The following OTOGL variants were observed in gnomAD, a reference collection of about 807,000 sequenced individuals.
The protein encoded by OTOGL is otogelin-like protein.
Under a neutral mutation model 318.5 loss-of-function variants are expected in OTOGL, and 285 were observed. The ratio of observed to expected loss-of-function variants is 0.89; its 90% CI spans 0.81 to 0.99. OTOGL has a LOEUF of 0.99. OTOGL is among the 50% of genes least tolerant of loss of function. The pLI is 0.00. For synonymous variants in OTOGL, 987 were observed against 936.5 expected, an observed-to-expected ratio of 1.05 and a Z score of -0.99; for missense variants, 2,899 against 2,845.6, an observed-to-expected ratio of 1.02 and a Z score of -0.43.
At chr12:80,146,716 A>C (rs1407095396) in intron 1 of OTOGL, among the ~76,000 whole-genome samples, 8 of 151,916 alleles carry the variant, frequency 5.3e-5, no homozygotes, top group Admixed American at 1.3e-4. Flanking sequence ...TAAGCTATTG[A>C]TTATTGCCAC....
At chr12:80,132,808 C>T (rs373018911) in intron 1 of OTOGL, 6 of 152,212 alleles carry the variant, frequency 3.9e-5, no homozygotes, top group Middle Eastern at 3.4e-3. Flanking sequence ...TCTAAATGAA[C>T]GAAGATTCTC....
At position 80,271,652 on chromosome 12, in the gene OTOGL, C is replaced by T. The variant is rs750090356; in HGVS notation, c.2523C>T (p.His841=). 6.8e-6 allele frequency: 11 copies of T among 1,612,300 alleles called. No individual in the cohort carries two copies. The East Asian group carries it at 1.6e-4, about 23-fold the overall frequency. Residue 841 remains histidine, a synonymous_variant, in exon 24 of 59, where the codon CAC becomes CAT. Transcript: ENST00000547103. ...TGTCTGTGCTTATATCTGAAGTTCA[C>T]ATCTGCCCAGAGGGAAAAGAGTATT... is the stretch of plus-strand genomic sequence containing the variant. ...CDELATPSAV[H]ICPEGKEYFD...
At chr12:80,318,454 G>A (rs1887109387) in intron 32 of OTOGL, 92 bp from the exon 33 acceptor site, 2 of 902,214 alleles carry the variant, frequency 2.2e-6, no homozygotes, top group East Asian at 6.7e-5. Context: ...AATTTTTGAA[G>A]TATTTTGTTA....
At chr12:80,375,001 G>GGATC (rs1384745010) in intron 57 of OTOGL, among the ~76,000 whole-genome samples, 1 of 152,156 alleles carries the variant, frequency 6.6e-6, no homozygotes, top group African/African-American at 2.4e-5. Flanking sequence ...GGCCTGTCCA[G>GGATC]TATCTGGGCC....
chr12:80,115,441 A>G (rs1367716447), intron 1 of OTOGL, among the ~76,000 whole-genome samples: 2 of 152,110 alleles, frequency 1.3e-5, no homozygotes, highest in African/African-American at 2.4e-5. Context: ...ATAACAGCAA[A>G]GATTGCTCTC....
At chr12:80,241,289 T>C (rs1880353739) in intron 11 of OTOGL, among the ~76,000 whole-genome samples, 1 of 152,170 alleles carries the variant, frequency 6.6e-6, no homozygotes, top group Admixed American at 6.6e-5. Flanking sequence ...TACCTAGATT[T>C]ATATGTATAG....
At chr12:80,299,473 G>A (rs572535600) in intron 27 of OTOGL, among the ~76,000 whole-genome samples, 1 of 151,992 alleles carries the variant, frequency 6.6e-6, no homozygotes, top group East Asian at 1.9e-4. Context: ...TATATAAACT[G>A]TATGACATAA....
chr12:80,273,456 G>T (rs570736229), intron 24 of OTOGL, among the ~76,000 whole-genome samples: 7 of 152,126 alleles, frequency 4.6e-5, no homozygotes, highest in African/African-American at 1.7e-4. Flanking sequence ...AAAGTCAGAT[G>T]GAAATGGCTT....
intron 34 of OTOGL, among the ~76,000 whole-genome samples, chr12:80,322,163 A>G (rs1337832904): frequency 2.6e-5 from 4 of 152,126 alleles, no homozygotes; most frequent in Non-Finnish European, 5.9e-5. Context: ...AAGCAAGGAG[A>G]ACCAAGGGGA....
chr12:80,268,355 T>A (rs1883158742), intron 22 of OTOGL, among the ~76,000 whole-genome samples: 1 of 152,138 alleles, frequency 6.6e-6, no homozygotes, highest in Non-Finnish European at 1.5e-5. Flanking sequence ...TTATCCTGAT[T>A]TACAGGTGAG....
chr12:80,211,617 T>A (rs1419508221), intron 3 of OTOGL, among the ~76,000 whole-genome samples: 1 of 152,142 alleles, frequency 6.6e-6, no homozygotes, highest in African/African-American at 2.4e-5. Context: ...ATTTGCAAAG[T>A]CATGTGGGGA....
chr12:80,375,592 C>T (rs1268911708), intron 57 of OTOGL, among the ~76,000 whole-genome samples: 7 of 151,990 alleles, frequency 4.6e-5, no homozygotes, highest in Admixed American at 2.0e-4. Flanking sequence ...GGTGATGAGG[C>T]GTCATTTGAG....
intron 11 of OTOGL, among the ~76,000 whole-genome samples, chr12:80,242,142 G>C (rs1452733795): frequency 6.6e-6 from 1 of 152,140 alleles, no homozygotes; most frequent in African/African-American, 2.4e-5. Context: ...GGGGGAACTG[G>C]AGATAAAAAT....
At chr12:80,133,693 G>A in intron 1 of OTOGL, 1 of 152,354 alleles carries the variant, frequency 6.6e-6, no homozygotes, top group Non-Finnish European at 1.5e-5. Context: ...GGTGGCTCGT[G>A]CCTGTAATAT....
intron 38 of OTOGL, among the ~76,000 whole-genome samples, chr12:80,333,729 T>C (rs906144594): frequency 6.6e-5 from 10 of 152,252 alleles, no homozygotes; most frequent in Middle Eastern, 3.4e-3. Flanking sequence ...AAAATAATAC[T>C]GTTTTTAATA....
Position 80,302,762 on chromosome 12 carries a change from CA to C in OTOGL, c.3195del (p.Val1066LeufsTer24). 1.3e-6 allele frequency: 2 copies of C among 1,515,330 alleles called. No individual in the cohort carries two copies. Among genetic ancestry groups the C allele is most frequent in the Admixed American group, 2.0e-5 (1 of 49,784 alleles). 93.9% of individuals were successfully genotyped at this position (1,515,330 alleles called of 1,614,324 possible). A position where few individuals can be genotyped will look rare whatever the true frequency, so the allele number is the denominator to read the frequency against. ...GGGATAGGAAGACAACTATTCATAT[CA>C]AAGTTGGGCCACAGTGGAAGGTAGG... The part of the protein sequence containing the change: ...LWDRKTTIHI[K>X]VGPQWKNKLS... On this transcript the variant is annotated frameshift_variant, in exon 28 of 59. Transcript: ENST00000547103. LOFTEE classifies it high-confidence loss of function.
At chr12:80,099,737 T>C in intron 1 of OTOGL, 132 bp downstream of exon 1, 1 of 152,146 alleles carries the variant, frequency 6.6e-6, no homozygotes, top group East Asian at 1.9e-4. Flanking sequence ...TAACCTGCAA[T>C]ACAAGGTTGG....
chr12:80,131,079 AGCTCTGG>A (rs1317192746), intron 1 of OTOGL: 1 of 152,252 alleles, frequency 6.6e-6, no homozygotes, highest in Non-Finnish European at 1.5e-5. Context: ...GAACCAAGGA[AGCTCTGG>A]AAACTTAAGA....
chr12:80,210,802 T>C, intron 2 of OTOGL, 45 bp from the exon 3 acceptor site: 1 of 1,275,922 alleles, frequency 7.8e-7, no homozygotes, highest in South Asian at 1.5e-5. Flanking sequence ...GTAGCCAATA[T>C]ATTTGGATAA....
Sources: gnomAD v4.1 joint callset for allele counts (sites outside exome capture counted in the v4.1 genomes callset) on GRCh38, gnomAD v4.1.1 for gene constraint, MANE v1.5 for transcripts, NCBI Gene and HGNC (gene_info 2026-07-23, HGNC 2026-07-21) for gene names.